The following SETD5 variants were observed in gnomAD, a reference collection of about 807,000 sequenced individuals.
SETD5 encodes the protein histone-lysine N-methyltransferase SETD5.
A neutral mutation model predicts 153.3 loss-of-function variants in SETD5; 44 were observed. The observed-to-expected ratio is 0.29, with a 90% confidence interval of 0.23 to 0.37. The LOEUF (loss-of-function observed/expected upper bound fraction) is 0.37. Ranked by LOEUF, SETD5 falls within the 10% of genes least tolerant of loss-of-function variation. SETD5 has a pLI of 1.00. For synonymous variants in SETD5, 716 were observed against 645.2 expected, an observed-to-expected ratio of 1.11 and a Z score of -1.66; for missense variants, 1,544 against 1,768.0, an observed-to-expected ratio of 0.87 and a Z score of 2.27.
intron 1 of SETD5, among the ~76,000 whole-genome samples, chr3:9,420,120 C>T (rs2038149974): frequency 6.6e-6 from 1 of 152,128 alleles, no homozygotes; most frequent in Non-Finnish European, 1.5e-5. Context: ...GTTAAGGTTA[C>T]AAAGAGTCTG....
intron 14 of SETD5, 101 bp from the exon 15 acceptor site, chr3:9,447,585 T>C (rs2042164200): frequency 7.7e-7 from 1 of 1,306,458 alleles, no homozygotes; most frequent in Non-Finnish European, 1.1e-6. Flanking sequence ...ATCCTTATAT[T>C]TTTCATCAGT....
rs1478521281 is a variant in SETD5 at position 9,397,663 on chromosome 3, CGCCGCCGCCGCCGCCGCCGCCGCT to C, written c.-486_-463del. 5.6e-6 allele frequency: 1 copy of C among 178,142 alleles called. No individual in the cohort carries two copies. 11.0% of individuals were successfully genotyped at this position (178,142 alleles called of 1,614,324 possible). On this transcript the variant is annotated 5_prime_UTR_variant, in exon 1 of 23. Coordinates refer to ENST00000402198, the MANE Select transcript of SETD5 (RefSeq NM_001080517.3). Reference sequence around the variant, plus strand: ...GGGCTGAGTGAGCTGCCGCCGCCGCCGCCGCCGCCGCCGCCGCCGCCGCTGCCGGGGGAGGGGCGGCCGCCGCCC... The same window carrying C: ...GGGCTGAGTGAGCTGCCGCCGCCGCCGCCGGGGGAGGGGCGGCCGCCGCCC...
intron 3 of SETD5, among the ~76,000 whole-genome samples, chr3:9,432,708 C>T (rs2125079717): frequency 6.6e-6 from 1 of 152,238 alleles, no homozygotes; most frequent in Non-Finnish European, 1.5e-5. Flanking sequence ...TGATTTTTAT[C>T]CTTTGCCATC....
chr3:9,471,850 G>C (rs1306751010), intron 19 of SETD5, among the ~76,000 whole-genome samples: 1 of 152,188 alleles, frequency 6.6e-6, no homozygotes, highest in Non-Finnish European at 1.5e-5. Flanking sequence ...AACATCTGTA[G>C]TATCCTCATT....
intron 11 of SETD5, among the ~76,000 whole-genome samples, chr3:9,444,547 T>C (rs933662156): frequency 6.0e-4 from 91 of 151,970 alleles, no homozygotes; most frequent in Non-Finnish European, 9.6e-4. Context: ...CTTTTTTTTT[T>C]CCCACTGACC....
rs2039634693 is a variant in SETD5 at position 9,428,926 on chromosome 3, T to C, written c.-13T>C. 6.2e-7 allele frequency: 1 copy of C among 1,609,500 alleles called. No individual in the cohort carries two copies. The highest frequency in any genetic ancestry group is 1.3e-5 in the African/African-American group (1 of 74,820). ...GGACCCCGTGATTTCCAATCTCTGC[T>C]GTGTTGGACGTCATGAGCATTGCAA... On this transcript the variant is annotated 5_prime_UTR_variant, in exon 3 of 23. Transcript: ENST00000402198.
chr3:9,445,978 T>TG (rs2041925579), intron 13 of SETD5, among the ~76,000 whole-genome samples: 1 of 147,444 alleles, frequency 6.8e-6, no homozygotes, highest in Non-Finnish European at 1.5e-5. Flanking sequence ...TTTTTTTTTT[T>TG]TTTTTTTTTT....
chr3:9,406,824 AAATTGTT>A (rs1296296699), intron 1 of SETD5, among the ~76,000 whole-genome samples: 1 of 152,216 alleles, frequency 6.6e-6, no homozygotes, highest in African/African-American at 2.4e-5. Context: ...TCTGCATACC[AAATTGTT>A]ACACATTTTA....
At position 9,459,809 on chromosome 3, in the gene SETD5, A is replaced by G. The variant is rs1000912247; in HGVS notation, c.2477-4616A>G. Among the ~76,000 whole-genome samples, 13 of 152,282 alleles carry G rather than the reference A, an allele frequency of 8.5e-5. No homozygotes were observed. The South Asian group carries it at 2.1e-3, about 24-fold the overall frequency. On this transcript the variant is annotated intron_variant, in intron 17 of 22. Transcript: ENST00000402198. ...GGATGAGTTAATATTTGAAAATTTA[A>G]TAATCGTCATTTGTTAGCAGGTCAA...
chr3:9,444,295 G>A (rs964553038), intron 11 of SETD5, among the ~76,000 whole-genome samples: 2 of 152,130 alleles, frequency 1.3e-5, no homozygotes, highest in Non-Finnish European at 2.9e-5. Flanking sequence ...AGGTTATGTG[G>A]TAAAGTGATG....
chr3:9,418,161 G>T (rs1031742806), intron 1 of SETD5, among the ~76,000 whole-genome samples: 2 of 150,950 alleles, frequency 1.3e-5, no homozygotes, highest in Non-Finnish European at 2.9e-5. Context: ...TGTTAGCCAC[G>T]ATGGTCTCGA....
At chr3:9,413,685 T>TGC (rs776386495) in intron 1 of SETD5, among the ~76,000 whole-genome samples, 1 of 145,858 alleles carries the variant, frequency 6.9e-6, no homozygotes, top group Admixed American at 6.8e-5. Context: ...TGTGTGTGTG[T>TGC]ATTATTTATT....
At position 9,440,482 on chromosome 3, in the gene SETD5, A is replaced by G. The variant is rs2125170368; in HGVS notation, c.594A>G (p.Leu198=). The G allele has an allele frequency of 6.3e-7, 1 of 1,581,038 alleles. No individual in the cohort carries two copies. Among genetic ancestry groups the G allele is most frequent in the Non-Finnish European group, 8.7e-7 (1 of 1,149,960 alleles). Reference sequence around the variant, plus strand: ...ATTCTCCCTCTGAAGCACAGAATTTAGATGAGAATACAACTGAGGGCTGGG... The same window carrying G: ...ATTCTCCCTCTGAAGCACAGAATTTGGATGAGAATACAACTGAGGGCTGGG... The part of the protein sequence containing the change: ...IKNSPSEAQN[L]DENTTEGWEN... The change falls in exon 8 of 23, where the codon TTA becomes TTG. Residue 198 remains leucine, a synonymous_variant. Coordinates refer to ENST00000402198, the MANE Select transcript of SETD5 (RefSeq NM_001080517.3).
intron 17 of SETD5, among the ~76,000 whole-genome samples, chr3:9,462,894 G>A (rs758257817): frequency 2.0e-5 from 3 of 151,494 alleles, no homozygotes; most frequent in Non-Finnish European, 4.4e-5. Flanking sequence ...AAAGCACATG[G>A]CATAGTCTGT....
Position 9,441,723 on chromosome 3 carries a change from A to G in SETD5, c.941A>G (p.Asn314Ser), listed in dbSNP as rs2041315307. 1 of 1,614,026 alleles carries G rather than the reference A, an allele frequency of 6.2e-7. No individual in the cohort carries two copies. Among genetic ancestry groups the G allele is most frequent in the Non-Finnish European group, 8.5e-7 (1 of 1,179,870 alleles). The part of the protein sequence containing the change: ...KVMLRQQFEV[N>S]GHFFKKPYPF... ...ATGTTACGACAGCAATTTGAGGTCA[A>G]TGGGCATTTCTTCAAAAAGTAAGAA... The change falls in exon 9 of 23, where the codon AAT becomes AGT. Residue 314 changes from asparagine (N) to serine (S), a missense_variant. Asn to Ser is a conservative substitution (Grantham distance 46). This residue lies in a region of SETD5 where 30 missense variants were observed against 66.0 expected (regional missense o/e 0.45). Coordinates refer to ENST00000402198, the MANE Select transcript of SETD5 (RefSeq NM_001080517.3).
At position 9,435,716 on chromosome 3, in the gene SETD5, A is replaced by T; in HGVS notation, c.389-12A>T. On this transcript the variant is annotated splice_polypyrimidine_tract_variant and intron_variant, in intron 6 of 22. Coordinates refer to ENST00000402198, the MANE Select transcript of SETD5 (RefSeq NM_001080517.3). ...CTATTAGTACCTGAACTATGAAATC[A>T]TCATTTTTCAGGTGGGGATAGCAGT... The T allele has an allele frequency of 6.4e-7, 1 of 1,560,458 alleles. No individual in the cohort carries two copies. The highest frequency in any genetic ancestry group is 8.7e-7 in the Non-Finnish European group (1 of 1,155,844).
chr3:9,403,362 A>T (rs2035134814), intron 1 of SETD5, among the ~76,000 whole-genome samples: 1 of 152,230 alleles, frequency 6.6e-6, no homozygotes, highest in Admixed American at 6.5e-5. Context: ...TCTAGAGCTG[A>T]ATTCTCATTA....
intron 2 of SETD5, among the ~76,000 whole-genome samples, chr3:9,426,865 C>T (rs894535070): frequency 6.6e-6 from 1 of 152,102 alleles, no homozygotes; most frequent in African/African-American, 2.4e-5. Flanking sequence ...AGCTATATGT[C>T]ACCTCCAATT....
chr3:9,451,116 C>T (rs970748039), intron 16 of SETD5, among the ~76,000 whole-genome samples: 3 of 152,158 alleles, frequency 2.0e-5, no homozygotes, highest in Non-Finnish European at 4.4e-5. Context: ...GTGTATAGGG[C>T]ATTTGGTCTC....
Sources: gnomAD v4.1 joint callset for allele counts (sites outside exome capture counted in the v4.1 genomes callset) on GRCh38, gnomAD v4.1.1 for gene constraint, gnomAD v4.1.1 regional missense constraint, MANE v1.5 for transcripts, NCBI Gene and HGNC (gene_info 2026-07-23, HGNC 2026-07-21) for gene names.